The following MLIP variants were observed in gnomAD, a reference collection of about 807,000 sequenced individuals.
MLIP encodes the protein muscular LMNA-interacting protein.
MLIP carries 79 observed loss-of-function variants against 84.8 expected under a neutral mutation model. That is an observed-to-expected ratio of 0.93 (90% CI 0.78 to 1.12). MLIP has a LOEUF of 1.12. MLIP is among the 50% of genes most tolerant of loss of function. The pLI, the probability that MLIP is intolerant of heterozygous loss-of-function variation, is 0.00. For missense variants in MLIP, 1,257 were observed against 1,160.6 expected, an observed-to-expected ratio of 1.08 and a Z score of -1.21; for synonymous variants, 504 against 463.0, an observed-to-expected ratio of 1.09 and a Z score of -1.14.
rs1782818298 is a variant in MLIP at position 54,254,033 on chromosome 6, C to T, written c.2923-3275C>T. 2.7e-5 allele frequency among the ~76,000 whole-genome samples: 4 copies of T among 150,538 alleles called. No homozygotes were observed. In the South Asian group the frequency reaches 8.4e-4, roughly 32 times the overall value. ...GTTTGTTTTCCACAGTGTTTACCAT[C>T]AAGTATGCCAGCTTGGATGACTCTC... is the stretch of plus-strand genomic sequence containing the variant. On this transcript the variant is annotated intron_variant, in intron 12 of 13. Transcript: ENST00000502396.
chr6:54,260,110 C>A (rs1184796688), intron 13 of MLIP, among the ~76,000 whole-genome samples: 1 of 151,878 alleles, frequency 6.6e-6, no homozygotes. Context: ...TGCTTACTAC[C>A]AGACTGTCAT....
rs548567297 is a variant in MLIP at position 54,206,524 on chromosome 6, A to G, written c.2718+4291A>G. On this transcript the variant is annotated intron_variant, in intron 11 of 13. Coordinates refer to ENST00000502396, the MANE Select transcript of MLIP (RefSeq NM_001281747.2). ...GGGAGAGAGAACATATTTTCTATGA[A>G]GATGACCATTTAGAGAATTTCCTCT... Among the ~76,000 whole-genome samples, 55 of 152,274 alleles carry G rather than the reference A, an allele frequency of 3.6e-4. 2 individuals are homozygous for G. In the South Asian group the frequency reaches 0.011, roughly 31 times the overall value.
At chr6:54,093,872 C>T (rs1315308386) in intron 1 of MLIP, among the ~76,000 whole-genome samples, 1 of 152,128 alleles carries the variant, frequency 6.6e-6, no homozygotes, top group Non-Finnish European at 1.5e-5. Flanking sequence ...GACGGTATGG[C>T]CCACAAAGCC....
chr6:54,097,410 T>C (rs1300392991), intron 1 of MLIP, among the ~76,000 whole-genome samples: 1 of 152,182 alleles, frequency 6.6e-6, no homozygotes, highest in Admixed American at 6.5e-5. Flanking sequence ...CTTAGTTACA[T>C]AGCCATACGT....
chr6:54,222,326 CT>C (rs1780274390), intron 11 of MLIP, among the ~76,000 whole-genome samples: 1 of 151,960 alleles, frequency 6.6e-6, no homozygotes, highest in South Asian at 2.1e-4. Context: ...AGTTATTCAT[CT>C]TTGGTAACTG....
intron 10 of MLIP, among the ~76,000 whole-genome samples, chr6:54,191,004 C>G (rs1777868153): frequency 1.3e-5 from 2 of 151,848 alleles, no homozygotes; most frequent in Admixed American, 6.6e-5. Context: ...ACCATTTAAG[C>G]CAGGATGGTC....
chr6:54,031,325 C>G (rs1465376744), intron 1 of MLIP: 1 of 152,052 alleles, frequency 6.6e-6, no homozygotes, highest in African/African-American at 2.4e-5. Context: ...GTGCTTTACT[C>G]CTTATCCGAG....
intron 1 of MLIP, among the ~76,000 whole-genome samples, chr6:54,072,920 T>C (rs1766574565): frequency 6.6e-6 from 1 of 152,248 alleles, no homozygotes; most frequent in Non-Finnish European, 1.5e-5. Flanking sequence ...TTTTTCTTCT[T>C]CTGCCTCAGG....
chr6:54,061,830 T>C (rs1312442529), intron 1 of MLIP, among the ~76,000 whole-genome samples: 1 of 152,188 alleles, frequency 6.6e-6, no homozygotes, highest in Non-Finnish European at 1.5e-5. Flanking sequence ...AATCTCAGCA[T>C]GGGTGGGAAG....
At position 54,137,078 on chromosome 6, in the gene MLIP, C is replaced by T; in HGVS notation, c.1009C>T (p.Leu337Phe). The stretch of plus-strand genomic sequence containing the variant: ...GAAGACAACTTTAACCTCGCATGTC[C>T]TTAGTCACGGAGAAAGTCCGAGAAC... ...LKKTTLTSHV[L>F]SHGESPRTSS... Residue 337 changes from leucine to phenylalanine, a missense_variant, in exon 4 of 14, where the codon CTT becomes TTT. By Grantham distance (22) the Leu-to-Phe change is conservative. Transcript: ENST00000502396. 6.5e-7 allele frequency: 1 copy of T among 1,536,092 alleles called. No individual in the cohort carries two copies. The highest frequency in any genetic ancestry group is 8.7e-7 in the Non-Finnish European group (1 of 1,146,888).
rs1332329803 is a variant in MLIP, at chr6:54,137,212, C to T, written c.1143C>T (p.Thr381=). 5 of 1,535,992 alleles carry T rather than the reference C, an allele frequency of 3.3e-6. No individual in the cohort carries two copies. Among genetic ancestry groups the T allele is most frequent in the Middle Eastern group, 3.3e-4 (2 of 6,012 alleles). ...HSLSPSPKPF[T]SSFHGSSSTI... Reference sequence around the variant, plus strand: ...TCTCTCCGAGCCCCAAACCATTTACCTCCTCTTTCCACGGCTCTTCTTCCA... The same window carrying T: ...TCTCTCCGAGCCCCAAACCATTTACTTCCTCTTTCCACGGCTCTTCTTCCA... Residue 381 remains threonine (T), a synonymous_variant, in exon 4 of 14, where the codon ACC becomes ACT. Coordinates refer to ENST00000502396, the MANE Select transcript of MLIP (RefSeq NM_001281747.2).
chr6:54,127,682 G>A (rs1379459046), intron 3 of MLIP, among the ~76,000 whole-genome samples: 3 of 152,024 alleles, frequency 2.0e-5, no homozygotes, highest in Non-Finnish European at 4.4e-5. Flanking sequence ...ACAGTGGTTA[G>A]CATATTATCA....
chr6:54,086,838 C>A (rs1321830946), intron 1 of MLIP, among the ~76,000 whole-genome samples: 1 of 152,130 alleles, frequency 6.6e-6, no homozygotes, highest in Admixed American at 6.5e-5. Context: ...CTTAAATCTT[C>A]TTCTTAAAAG....
intron 3 of MLIP, among the ~76,000 whole-genome samples, chr6:54,128,704 C>T (rs560001365): frequency 2.6e-5 from 4 of 152,024 alleles, no homozygotes; most frequent in African/African-American, 7.2e-5. Context: ...TGTGGGAAAA[C>T]CAAAATGAGA....
chr6:54,201,336 C>G (rs115633199), intron 10 of MLIP, among the ~76,000 whole-genome samples: 94 of 152,230 alleles, frequency 6.2e-4, no homozygotes, highest in African/African-American at 2.1e-3. Context: ...GAAAGAACGT[C>G]AGGAAAGGAA....
In MLIP at chr6:54,111,458, C is replaced by G. The variant is rs1000224461; in HGVS notation, c.-22C>G. On this transcript the variant is annotated 5_prime_UTR_variant, in exon 1 of 14. Coordinates refer to ENST00000502396, the MANE Select transcript of MLIP (RefSeq NM_001281747.2). ...TTCCCACCTCAGTCATTGGTTTGCTCGCTCCCTTATGTGATGAATCAATGC... is the reference window on the plus strand; with the variant it reads ...TTCCCACCTCAGTCATTGGTTTGCTGGCTCCCTTATGTGATGAATCAATGC... The G allele has an allele frequency of 2.5e-5, 39 of 1,535,540 alleles. No individual in the cohort carries two copies. The African/African-American group carries it at 4.4e-4, about 17-fold the overall frequency.
At chr6:54,081,209 G>T (rs567752834) in intron 1 of MLIP, among the ~76,000 whole-genome samples, 3 of 152,178 alleles carry the variant, frequency 2.0e-5, no homozygotes, top group African/African-American at 7.2e-5. Flanking sequence ...CCTTGGGGAG[G>T]TGTTACCTTC....
intron 1 of MLIP, among the ~76,000 whole-genome samples, chr6:54,034,653 A>G (rs1367710336): frequency 6.6e-6 from 1 of 152,204 alleles, no homozygotes; most frequent in Non-Finnish European, 1.5e-5. Flanking sequence ...GCTAAGTATT[A>G]TTACAAAAGT....
At chr6:54,031,042 C>T (rs772383978) in intron 1 of MLIP, among the ~76,000 whole-genome samples, 9 of 152,114 alleles carry the variant, frequency 5.9e-5, no homozygotes, top group Non-Finnish European at 1.2e-4. Flanking sequence ...AAGTGGAATG[C>T]TTCTTTTATA....
Sources: allele counts gnomAD v4.1 joint callset (sites outside exome capture counted in the v4.1 genomes callset), GRCh38; gene constraint gnomAD v4.1.1; transcripts MANE v1.5; gene names NCBI Gene and HGNC (gene_info 2026-07-23, HGNC 2026-07-21).